The following PKP4 variants were observed in gnomAD, a reference collection of about 807,000 sequenced individuals.
PKP4 encodes plakophilin 4.
Under a neutral mutation model 145.1 loss-of-function variants are expected in PKP4, and 90 were observed. The observed-to-expected ratio is 0.62, with a 90% CI of 0.52 to 0.74. The LOEUF is 0.74. PKP4 is among the 30% of genes least tolerant of loss of function. PKP4 has a pLI of 0.00. For synonymous variants in PKP4, 563 were observed against 577.2 expected (o/e 0.98, Z 0.35); for missense variants, 1,340 against 1,482.7 (o/e 0.90, Z 1.58).
At chr2:158,520,260 T>C (rs992679962) in intron 1 of PKP4, among the ~76,000 whole-genome samples, 9 of 152,302 alleles carry the variant, frequency 5.9e-5, no homozygotes, top group East Asian at 1.9e-4. Flanking sequence ...TCTGGTGTTA[T>C]ATGTTAACCG....
At chr2:158,651,341 C>T (rs1385663505) in intron 11 of PKP4, among the ~76,000 whole-genome samples, 1 of 152,118 alleles carries the variant, frequency 6.6e-6, no homozygotes, top group African/African-American at 2.4e-5. Context: ...CATCTGGCTC[C>T]AAATTCTCAC....
At chr2:158,506,932 C>T (rs1157914446) in intron 1 of PKP4, among the ~76,000 whole-genome samples, 3 of 152,144 alleles carry the variant, frequency 2.0e-5, no homozygotes, top group Non-Finnish European at 4.4e-5. Context: ...CATGGTTGCA[C>T]TCACTTTAGA....
At chr2:158,610,948 A>T (rs995656290) in intron 4 of PKP4, among the ~76,000 whole-genome samples, 22 of 152,194 alleles carry the variant, frequency 1.4e-4, no homozygotes, top group African/African-American at 4.8e-4. Flanking sequence ...TCCTAGAAAA[A>T]GAAAGTGTTC....
At chr2:158,563,550 A>G (rs1196351564) in intron 2 of PKP4, among the ~76,000 whole-genome samples, 2 of 152,152 alleles carry the variant, frequency 1.3e-5, no homozygotes, top group Non-Finnish European at 2.9e-5. Context: ...AATTGCATGG[A>G]ATCCTATTAT....
intron 1 of PKP4, among the ~76,000 whole-genome samples, chr2:158,509,368 A>C (rs796138878): frequency 2.4e-4 from 36 of 152,324 alleles, no homozygotes; most frequent in African/African-American, 8.7e-4. Context: ...TGCTGCTTTG[A>C]TCTTTTCATC....
At position 158,529,905 on chromosome 2, in the gene PKP4, G is replaced by T. The variant is rs149537366; in HGVS notation, c.-5-3275G>T. 2.1e-3 allele frequency among the ~76,000 whole-genome samples: 318 copies of T among 152,240 alleles called. 2 individuals are homozygous for T. The highest frequency in any genetic ancestry group is 6.9e-3 in the African/African-American group (286 of 41,546). ...TCATTGAAGAACTTGTATATGACTT[G>T]TATTGATATCATGGCTAAAACATTT... is the stretch of plus-strand genomic sequence containing the variant. On this transcript the variant is annotated intron_variant, in intron 1 of 21. Transcript: ENST00000389759.
rs533408001 is a variant in PKP4 at position 158,608,259 on chromosome 2, TTTAAA to T, written c.280+5161_280+5165del. ...TACTATTACGTGCTTAGTATTTTCC[TTTAAA>T]TTAAAGTTTTCAAATCTTTTTTTTA... is the stretch of plus-strand genomic sequence containing the variant. On this transcript the variant is annotated intron_variant, in intron 4 of 21. Transcript: ENST00000389759. Among the ~76,000 whole-genome samples the T allele has an allele frequency of 3.8e-3, 576 of 152,342 alleles. 1 individual carries two copies. The highest frequency in any genetic ancestry group is 0.014 in the Middle Eastern group (4 of 294).
chr2:158,507,784 G>C (rs1401182319), intron 1 of PKP4, among the ~76,000 whole-genome samples: 1 of 152,026 alleles, frequency 6.6e-6, no homozygotes, highest in African/African-American at 2.4e-5. Flanking sequence ...AGTGTGGGGG[G>C]GTCTCCGGGT....
chr2:158,662,896 G>C lies in PKP4; in HGVS notation c.2212-1G>C. ...TAATTATACGCCATGCTGGGTTTCA[G>C]ACGGTGGAGAACTGCGTGTGCACCC... is the stretch of plus-strand genomic sequence containing the variant. On this transcript the variant is annotated splice_acceptor_variant, in intron 13 of 21. Coordinates refer to ENST00000389759, the MANE Select transcript of PKP4 (RefSeq NM_003628.6). LOFTEE classifies it high-confidence loss of function. The C allele has an allele frequency of 6.3e-7, 1 of 1,593,770 alleles. No homozygotes were observed. The highest frequency in any genetic ancestry group is 8.5e-7 in the Non-Finnish European group (1 of 1,170,932).
At chr2:158,522,458 C>T (rs907281014) in intron 1 of PKP4, among the ~76,000 whole-genome samples, 4 of 152,098 alleles carry the variant, frequency 2.6e-5, no homozygotes, top group African/African-American at 9.7e-5. Context: ...TACATGCATA[C>T]ACAATTATAC....
chr2:158,640,551 C>T, intron 9 of PKP4, 76 bp from the exon 10 acceptor site: 5 of 1,499,076 alleles, frequency 3.3e-6, no homozygotes, highest in African/African-American at 2.8e-5. Flanking sequence ...GCTTTTTTTC[C>T]TTATACCAAG....
At position 158,670,779 on chromosome 2, in the gene PKP4, G is replaced by A. The variant is rs113031937; in HGVS notation, c.2924+864G>A. On this transcript the variant is annotated intron_variant, in intron 17 of 21. Coordinates refer to ENST00000389759, the MANE Select transcript of PKP4 (RefSeq NM_003628.6). ...AGGATGTGCCCCAGGCTTGGATGGC[G>A]CATTTCCCTTTGCTTCTGCATGACA... Among the ~76,000 whole-genome samples the A allele has an allele frequency of 7.5e-3, 1,137 of 152,324 alleles. 9 individuals are homozygous for A. The highest frequency in any genetic ancestry group is 0.01 in the Middle Eastern group (3 of 294).
At chr2:158,605,432 G>A (rs1031267134) in intron 4 of PKP4, among the ~76,000 whole-genome samples, 1 of 152,084 alleles carries the variant, frequency 6.6e-6, no homozygotes, top group African/African-American at 2.4e-5. Flanking sequence ...TTTTAAAAGT[G>A]ACAAGAACTA....
At chr2:158,514,738 C>G (rs568860734) in intron 1 of PKP4, among the ~76,000 whole-genome samples, 115 of 152,240 alleles carry the variant, frequency 7.6e-4, no homozygotes, top group Non-Finnish European at 1.3e-3. Flanking sequence ...GTCAGGAGTT[C>G]AAGACCAGCC....
chr2:158,614,075 C>G (rs2051374361), intron 4 of PKP4, among the ~76,000 whole-genome samples: 1 of 152,040 alleles, frequency 6.6e-6, no homozygotes, highest in African/African-American at 2.4e-5. Context: ...TCCAAGACAT[C>G]TGAAAAATTT....
intron 2 of PKP4, among the ~76,000 whole-genome samples, chr2:158,576,024 A>G (rs1253654678): frequency 6.6e-6 from 1 of 152,154 alleles, no homozygotes. Flanking sequence ...TGAGCCAGCT[A>G]TTATTCATCT....
At chr2:158,555,894 C>G (rs2046045989) in intron 2 of PKP4, among the ~76,000 whole-genome samples, 1 of 152,188 alleles carries the variant, frequency 6.6e-6, no homozygotes, top group Non-Finnish European at 1.5e-5. Flanking sequence ...ATAATCTACT[C>G]TGAGACTGAG....
chr2:158,533,422 G>C (rs773952067), intron 2 of PKP4, 106 bp downstream of exon 2: 1 of 1,321,014 alleles, frequency 7.6e-7, no homozygotes, highest in Non-Finnish European at 1.1e-6. Flanking sequence ...ACGCCTTCAC[G>C]TTTTCTAATT....
At chr2:158,512,349 C>A (rs750612623) in intron 1 of PKP4, among the ~76,000 whole-genome samples, 1 of 152,158 alleles carries the variant, frequency 6.6e-6, no homozygotes. Context: ...GTGATTTAAA[C>A]CCATGAATAT....
Sources: gnomAD v4.1 joint callset for allele counts (sites outside exome capture counted in the v4.1 genomes callset) on GRCh38, gnomAD v4.1.1 for gene constraint, MANE v1.5 for transcripts, NCBI Gene and HGNC (gene_info 2026-07-23, HGNC 2026-07-21) for gene names.